The following IGF1R variants were observed in gnomAD, a reference collection of about 807,000 sequenced individuals.
IGF1R encodes the protein insulin-like growth factor 1 receptor.
A neutral mutation model predicts 144.6 loss-of-function variants in IGF1R; 44 were observed. The observed-to-expected ratio is 0.30, with a 90% CI of 0.24 to 0.39. The LOEUF (loss-of-function observed/expected upper bound fraction) is 0.39, where lower values mean the gene tolerates loss of function less well. IGF1R is among the 10% of genes least tolerant of loss of function. The probability of loss-of-function intolerance (pLI) is 1.00; values close to 1 mark genes in which losing one functional copy is unlikely to be tolerated. For missense variants in IGF1R, 1,355 were observed against 1,833.7 expected (o/e 0.74, Z 4.77); for synonymous variants, 795 against 722.8 (o/e 1.10, Z -1.60).
At chr15:98,654,120 T>A (rs1382001845) in intron 1 of IGF1R, among the ~76,000 whole-genome samples, 1 of 152,206 alleles carries the variant, frequency 6.6e-6, no homozygotes, top group African/African-American at 2.4e-5. Flanking sequence ...CTTTTAAAAA[T>A]ATTTCTGTAG....
intron 2 of IGF1R, among the ~76,000 whole-genome samples, chr15:98,715,184 TG>T: frequency 6.6e-6 from 1 of 152,330 alleles, no homozygotes; most frequent in East Asian, 1.9e-4. Flanking sequence ...TCTGCCTGAT[TG>T]CCGACGCTTG....
At chr15:98,720,433 T>C (rs2054220493) in intron 2 of IGF1R, among the ~76,000 whole-genome samples, 1 of 152,182 alleles carries the variant, frequency 6.6e-6, no homozygotes, top group Admixed American at 6.5e-5. Context: ...TAAACACTAC[T>C]AGAGACTGAG....
chr15:98,684,568 C>T (rs1054738331), intron 1 of IGF1R, among the ~76,000 whole-genome samples: 1 of 152,148 alleles, frequency 6.6e-6, no homozygotes, highest in African/African-American at 2.4e-5. Context: ...GCACAGCCCT[C>T]AGTGAAGATC....
chr15:98,813,314 A>G (rs965621800), intron 2 of IGF1R, among the ~76,000 whole-genome samples: 1 of 152,106 alleles, frequency 6.6e-6, no homozygotes, highest in African/African-American at 2.4e-5. Context: ...CAGGCCCCTT[A>G]CCACCTTTAT....
chr15:98,809,500 CG>C, intron 2 of IGF1R, among the ~76,000 whole-genome samples: 1 of 152,102 alleles, frequency 6.6e-6, no homozygotes, highest in African/African-American at 2.4e-5. Context: ...CCTGGTCTAC[CG>C]GGCAAGAAAC....
chr15:98,914,195 A>T (rs2015141361), intron 8 of IGF1R, among the ~76,000 whole-genome samples: 1 of 152,130 alleles, frequency 6.6e-6, no homozygotes, highest in African/African-American at 2.4e-5. Flanking sequence ...CACTCCCATG[A>T]CCCAATCACC....
At chr15:98,763,425 C>T (rs1441130353) in intron 2 of IGF1R, among the ~76,000 whole-genome samples, 1 of 151,306 alleles carries the variant, frequency 6.6e-6, no homozygotes, top group African/African-American at 2.4e-5. Flanking sequence ...TAGCAACAGT[C>T]ACCGTGGTAC....
chr15:98,688,081 G>T (rs917827817), intron 1 of IGF1R, among the ~76,000 whole-genome samples: 3 of 152,168 alleles, frequency 2.0e-5, no homozygotes, highest in Non-Finnish European at 4.4e-5. Flanking sequence ...CCCAGTGATT[G>T]AGGCCCCCTG....
chr15:98,653,352 A>C (rs577894435), intron 1 of IGF1R, among the ~76,000 whole-genome samples: 1 of 152,366 alleles, frequency 6.6e-6, no homozygotes, highest in South Asian at 2.1e-4. Context: ...TCCAACAAAG[A>C]AAGACATTGC....
At chr15:98,856,318 T>G (rs1046001688) in intron 2 of IGF1R, among the ~76,000 whole-genome samples, 1 of 152,216 alleles carries the variant, frequency 6.6e-6, no homozygotes, top group African/African-American at 2.4e-5. Context: ...TCGTCCATAG[T>G]CTTCACCAGG....
intron 6 of IGF1R, 89 bp downstream of exon 6, chr15:98,908,988 G>A (rs1041865171): frequency 9.2e-6 from 11 of 1,193,374 alleles, no homozygotes; most frequent in African/African-American, 7.5e-5. Flanking sequence ...TTTCCTCTGC[G>A]GCCCCTCCTG....
At chr15:98,655,448 T>G (rs1280479226) in intron 1 of IGF1R, among the ~76,000 whole-genome samples, 1 of 152,208 alleles carries the variant, frequency 6.6e-6, no homozygotes, top group Non-Finnish European at 1.5e-5. Context: ...TTTCAAATCT[T>G]AAGGAAAAAC....
intron 2 of IGF1R, among the ~76,000 whole-genome samples, chr15:98,789,296 G>A (rs1043502622): frequency 2.6e-5 from 4 of 152,146 alleles, no homozygotes; most frequent in South Asian, 2.1e-4. Flanking sequence ...TGCTGATGAC[G>A]CTTTTTCCCA....
intron 2 of IGF1R, among the ~76,000 whole-genome samples, chr15:98,835,222 C>T (rs1345306236): frequency 1.3e-5 from 2 of 151,824 alleles, no homozygotes; most frequent in East Asian, 3.9e-4. Context: ...CCTACACCCA[C>T]ACACCAGGAT....
At chr15:98,703,312 C>G (rs2053781522) in intron 1 of IGF1R, among the ~76,000 whole-genome samples, 1 of 152,184 alleles carries the variant, frequency 6.6e-6, no homozygotes, top group Admixed American at 6.5e-5. Context: ...GTCTCTCCCT[C>G]TTGTGCTGTG....
chr15:98,886,534 TTCC>T (rs2013650184), intron 2 of IGF1R, among the ~76,000 whole-genome samples: 1 of 152,320 alleles, frequency 6.6e-6, no homozygotes, highest in Admixed American at 6.5e-5. Flanking sequence ...AGCTTCTATT[TTCC>T]TCCTATTTTT....
chr15:98,655,407 T>C lies in IGF1R; in HGVS notation c.94+5732T>C, dbSNP rs959071595. Among the ~76,000 whole-genome samples the C allele has an allele frequency of 4.6e-5, 7 of 152,352 alleles. No homozygotes were observed. The East Asian group carries it at 1.3e-3, about 29-fold the overall frequency. ...TTTTGAAGATTTCTCTCCCTTTTTT[T>C]CCACTGATGCCGGCTTTACTTATGT... On this transcript the variant is annotated intron_variant, in intron 1 of 20. Transcript: ENST00000650285.
rs34237671 is a variant in IGF1R at position 98,958,867 on chromosome 15, A to C, written c.*1425A>C. The C allele has an allele frequency of 0.017, 3,986 of 233,590 alleles. 146 individuals are homozygous for C. Among genetic ancestry groups the C allele is most frequent in the African/African-American group, 0.081 (3,686 of 45,430 alleles). 14.5% of individuals were successfully genotyped at this position (233,590 alleles called of 1,614,324 possible). On this transcript the variant is annotated 3_prime_UTR_variant, in exon 21 of 21. Transcript: ENST00000650285. ...TTTCCCGGTAATGGATACTTCTATC[A>C]CATAATTTGCCATGAACTGTTGGAT...
At chr15:98,852,249 C>T (rs1177251603) in intron 2 of IGF1R, among the ~76,000 whole-genome samples, 1 of 152,074 alleles carries the variant, frequency 6.6e-6, no homozygotes, top group Non-Finnish European at 1.5e-5. Flanking sequence ...CTGTGGTGTG[C>T]GCCCTTCCTG....
Sources: allele counts gnomAD v4.1 joint callset (sites outside exome capture counted in the v4.1 genomes callset), GRCh38; gene constraint gnomAD v4.1.1; transcripts MANE v1.5; gene names NCBI Gene and HGNC (gene_info 2026-07-23, HGNC 2026-07-21).